DDX24: variants seen among roughly 807,000 people sequenced by gnomAD.
The protein encoded by DDX24 is DEAD-box helicase 24.
Under a neutral mutation model 68.9 loss-of-function variants are expected in DDX24, and 24 were observed. That is an observed-to-expected ratio of 0.35 (90% CI 0.25 to 0.49). The LOEUF (loss-of-function observed/expected upper bound fraction) is 0.49, where lower values mean the gene tolerates loss of function less well. Ranked by LOEUF, DDX24 falls within the 20% of genes least tolerant of loss-of-function variation. DDX24 has a pLI of 0.99. For synonymous variants in DDX24, 395 were observed against 385.2 expected, an observed-to-expected ratio of 1.03 and a Z score of -0.30; for missense variants, 989 against 1,039.0, an observed-to-expected ratio of 0.95 and a Z score of 0.66.
chr14:94,065,405 A>ACACACACACACACACACACACACACACAC (rs1567060057), intron 2 of DDX24, among the ~76,000 whole-genome samples: 3 of 151,888 alleles, frequency 2.0e-5, no homozygotes, highest in African/African-American at 7.3e-5. Context: ...ACACACACAC[A>ACACACACACACACACACACACACACACAC]AATTCAGTGC....
Position 94,079,379 on chromosome 14 carries a change from C to G in DDX24, c.364G>C (p.Asp122His). ...TCTCCCTGGGCCTCCAGCTCAGGAT[C>G]TTTCACTTCAAATTCTTTCTGGGTA... ...TSTQKEFEVK[D>H]PELEAQGDDM... is the part of the protein sequence containing the mutation. Residue 122 changes from aspartate (D) to histidine (H), a missense_variant, in exon 2 of 9, where the codon GAT (aspartate) becomes CAT (histidine). Transcript: ENST00000621632. 2.5e-6 allele frequency: 4 copies of G among 1,614,006 alleles called. No homozygotes were observed. Among genetic ancestry groups the G allele is most frequent in the Non-Finnish European group, 3.4e-6 (4 of 1,180,018 alleles).
chr14:94,069,412 TGCAACAGAA>T (rs1005134697), intron 2 of DDX24, among the ~76,000 whole-genome samples: 2 of 152,186 alleles, frequency 1.3e-5, no homozygotes, highest in African/African-American at 4.8e-5. Flanking sequence ...CAGACGGATT[TGCAACAGAA>T]TTCTACCAGA....
At chr14:94,056,470 A>G (rs994295594) in intron 6 of DDX24, 2 of 152,240 alleles carry the variant, frequency 1.3e-5, no homozygotes, top group Admixed American at 6.5e-5. Context: ...AATAAGCTGA[A>G]TATGTGGACA....
At chr14:94,057,753 C>G (rs1885516720) in intron 6 of DDX24, 69 bp downstream of exon 6, 5 of 1,495,938 alleles carry the variant, frequency 3.3e-6, no homozygotes, top group Non-Finnish European at 3.7e-6. Flanking sequence ...TCCTCCCTCC[C>G]CCAACCTTTG....
At chr14:94,077,902 C>A (rs1885977388) in intron 2 of DDX24, among the ~76,000 whole-genome samples, 1 of 151,682 alleles carries the variant, frequency 6.6e-6, no homozygotes, top group African/African-American at 2.4e-5. Context: ...AAATATCTCA[C>A]TAGTTTTTAA....
At chr14:94,061,530 T>C (rs966199793) in intron 3 of DDX24, among the ~76,000 whole-genome samples, 25 of 152,200 alleles carry the variant, frequency 1.6e-4, no homozygotes, top group Admixed American at 2.6e-4. Context: ...ATCATGTGGG[T>C]AAAGGGCTTA....
At chr14:94,069,182 A>G (rs774394362) in intron 2 of DDX24, among the ~76,000 whole-genome samples, 14 of 152,200 alleles carry the variant, frequency 9.2e-5, no homozygotes, top group South Asian at 2.1e-4. Flanking sequence ...AAAACAGGAG[A>G]TATTACAACT....
In DDX24 at chr14:94,079,049, C is replaced by A. The variant is rs760638468; in HGVS notation, c.694G>T (p.Asp232Tyr). The A allele has an allele frequency of 2.5e-6, 4 of 1,613,938 alleles. No individual in the cohort carries two copies. The South Asian group carries it at 4.4e-5, about 18-fold the overall frequency. ...TLAPAIRDKL[D>Y]ILGAAETGSG... ...CCTGTCTCAGCAGCCCCAAGGATGT[C>A]CAGTTTGTCACGGATGGCAGGTGCC... Residue 232 changes from aspartate to tyrosine, a missense_variant, in exon 2 of 9, where the codon GAC becomes TAC. Asp to Tyr is a radical substitution (Grantham distance 160). This residue lies in a region of DDX24 where 295 missense variants were observed against 263.0 expected (regional missense o/e 1.12). Transcript: ENST00000621632.
Position 94,051,177 on chromosome 14 carries a change from A to T in DDX24, c.*14T>A. 1 of 1,463,506 alleles carries T rather than the reference A, an allele frequency of 6.8e-7. No individual in the cohort carries two copies. The highest frequency in any genetic ancestry group is 9.0e-7 in the Non-Finnish European group (1 of 1,112,246). 90.7% of individuals were successfully genotyped at this position (1,463,506 alleles called of 1,614,324 possible). A position where few individuals can be genotyped will look rare whatever the true frequency, so the allele number is the denominator to read the frequency against. ...AACAGAAACCAATGTGCAGTCACTG[A>T]CACACTTGACCAGTTAATTTGCACT... is the stretch of plus-strand genomic sequence containing the variant. On this transcript the variant is annotated 3_prime_UTR_variant, in exon 9 of 9. Transcript: ENST00000621632.
chr14:94,057,242 T>C (rs1885507184), intron 6 of DDX24: 1 of 152,220 alleles, frequency 6.6e-6, no homozygotes, highest in Non-Finnish European at 1.5e-5. Flanking sequence ...CAAAATTTTA[T>C]GCTGATATTC....
chr14:94,051,102 G>T lies in DDX24; in HGVS notation c.*89C>A. On this transcript the variant is annotated 3_prime_UTR_variant, in exon 9 of 9. Transcript: ENST00000621632. ...GAGGGAGACTTTTTTACCTGGGGTT[G>T]GTGGTGGAGTGAAACACAAGGGTGG... 7.0e-7 allele frequency: 1 copy of T among 1,436,458 alleles called. No homozygotes were observed. The highest frequency in any genetic ancestry group is 9.3e-7 in the Non-Finnish European group (1 of 1,080,936). The allele number at this position is 1,436,458 out of a possible 1,614,324, so 89.0% of individuals were successfully genotyped here. A position where few individuals can be genotyped will look rare whatever the true frequency, so the allele number is the denominator to read the frequency against.
At chr14:94,064,742 CAAGTA>C (rs1199074819) in intron 2 of DDX24, among the ~76,000 whole-genome samples, 4 of 152,196 alleles carry the variant, frequency 2.6e-5, no homozygotes, top group African/African-American at 9.7e-5. Flanking sequence ...TTGTTAAATA[CAAGTA>C]AAGTGTTTCC....
At position 94,079,627 on chromosome 14, in the gene DDX24, A is replaced by G; in HGVS notation, c.116T>C (p.Phe39Ser). ...WKEVKIDPNM[F>S]ADGQMDDLVC... Reference sequence around the variant, plus strand: ...CAAGTCATCCATCTGTCCATCTGCAAACATATTTGGGTCAATCTTCACTTC... The same window carrying G: ...CAAGTCATCCATCTGTCCATCTGCAGACATATTTGGGTCAATCTTCACTTC... Residue 39 changes from phenylalanine to serine, a missense_variant, in exon 2 of 9, where the codon TTT becomes TCT. By Grantham distance (155) the Phe-to-Ser change is radical (BLOSUM62 -2). Coordinates refer to ENST00000621632, the MANE Select transcript of DDX24 (RefSeq NM_020414.4). 1 of 1,614,180 alleles carries G rather than the reference A, an allele frequency of 6.2e-7. No homozygotes were observed. Among genetic ancestry groups the G allele is most frequent in the Non-Finnish European group, 8.5e-7 (1 of 1,180,038 alleles).
rs1886020570 is a variant in DDX24, at chr14:94,079,695, G to A, written c.48C>T (p.Gly16=). The stretch of plus-strand genomic sequence containing the variant: ...CTTTGATTCCCTTTGTCTGAAATTT[G>A]CCACAGCTTGACTGCTTTGGCCTTG... The part of the protein sequence containing the change: ...TKSRPKQSSC[G]KFQTKGIKVV... The change falls in exon 2 of 9, where the codon GGC becomes GGT. Residue 16 remains glycine (G), a synonymous_variant. Transcript: ENST00000621632. The A allele has an allele frequency of 3.1e-6, 5 of 1,613,980 alleles. No homozygotes were observed. Among genetic ancestry groups the A allele is most frequent in the Non-Finnish European group, 4.2e-6 (5 of 1,180,016 alleles).
In DDX24 at chr14:94,057,908, G is replaced by A. The variant is rs762227369; in HGVS notation, c.1914-11C>T. The A allele has an allele frequency of 1.2e-6, 2 of 1,611,768 alleles. No individual in the cohort carries two copies. The highest frequency in any genetic ancestry group is 1.1e-5 in the South Asian group (1 of 90,646). On this transcript the variant is annotated splice_polypyrimidine_tract_variant and intron_variant, in intron 5 of 8. Coordinates refer to ENST00000621632, the MANE Select transcript of DDX24 (RefSeq NM_020414.4). ...GCCAAGAGAACACAGCTGGGGTAGA[G>A]AGAGAAAGCTTATTAATAATAACTA...
At chr14:94,076,081 AGACCTAGC>A (rs2141436476) in intron 2 of DDX24, among the ~76,000 whole-genome samples, 1 of 152,370 alleles carries the variant, frequency 6.6e-6, no homozygotes, top group African/African-American at 2.4e-5. Context: ...ATTTACCACA[AGACCTAGC>A]CATTCCACAC....
intron 2 of DDX24, among the ~76,000 whole-genome samples, chr14:94,065,337 C>T (rs1885679559): frequency 6.7e-6 from 1 of 148,648 alleles, no homozygotes. Flanking sequence ...CAGGTGTGAG[C>T]CACTGCACCC....
intron 2 of DDX24, among the ~76,000 whole-genome samples, chr14:94,076,303 C>T (rs1885937962): frequency 1.3e-5 from 2 of 152,126 alleles, no homozygotes; most frequent in South Asian, 4.1e-4. Context: ...AATAACATGG[C>T]GTAATCTCAA....
intron 2 of DDX24, among the ~76,000 whole-genome samples, chr14:94,069,071 CA>C (rs1284207135): frequency 2.0e-5 from 3 of 151,944 alleles, no homozygotes; most frequent in African/African-American, 7.2e-5. Context: ...ATAAACAAAA[CA>C]AAAAGCTAGT....
Sources: allele counts gnomAD v4.1 joint callset (sites outside exome capture counted in the v4.1 genomes callset), GRCh38; gene constraint gnomAD v4.1.1; regional missense constraint gnomAD v4.1.1; transcripts MANE v1.5; gene names NCBI Gene and HGNC (gene_info 2026-07-23, HGNC 2026-07-21).